FRAS1: variants seen among roughly 807,000 people sequenced by gnomAD.
The protein encoded by FRAS1 is extracellular matrix organizing protein FRAS1.
FRAS1 carries 290 observed loss-of-function variants against 435.2 expected under a neutral mutation model. The observed-to-expected ratio is 0.67, with a 90% confidence interval of 0.61 to 0.73. FRAS1 has a LOEUF of 0.73. Among genes scored for constraint, FRAS1 ranks in the 30% least tolerant of loss-of-function variants. The probability of loss-of-function intolerance (pLI) is 0.00; values close to 1 mark genes in which losing one functional copy is unlikely to be tolerated. For missense variants in FRAS1, 4,860 were observed against 5,001.5 expected, an observed-to-expected ratio of 0.97 and a Z score of 0.85; for synonymous variants, 1,800 against 1,851.0, an observed-to-expected ratio of 0.97 and a Z score of 0.71.
chr4:78,362,243 C>T (rs1466168149), intron 20 of FRAS1, among the ~76,000 whole-genome samples: 1 of 152,218 alleles, frequency 6.6e-6, no homozygotes, highest in African/African-American at 2.4e-5. Context: ...CAATTATTTA[C>T]TAACCTCAGT....
intron 60 of FRAS1, among the ~76,000 whole-genome samples, chr4:78,497,611 C>T (rs1720545057): frequency 6.6e-6 from 1 of 152,126 alleles, no homozygotes; most frequent in Non-Finnish European, 1.5e-5. Context: ...TTATTTAATA[C>T]TGGAAGGAAT....
intron 14 of FRAS1, among the ~76,000 whole-genome samples, chr4:78,307,357 G>A (rs1728797757): frequency 6.6e-6 from 1 of 151,148 alleles, no homozygotes; most frequent in South Asian, 2.1e-4. Context: ...GCCTATAGAG[G>A]CAGGCAGGCC....
intron 32 of FRAS1, among the ~76,000 whole-genome samples, 200 bp downstream of exon 32, chr4:78,413,285 G>A (rs896827932): frequency 6.6e-6 from 1 of 152,312 alleles, no homozygotes; most frequent in East Asian, 1.9e-4. Context: ...GGAAGGTTAT[G>A]CGGAATCCGT....
intron 21 of FRAS1, 46 bp downstream of exon 21, chr4:78,363,711 C>A: frequency 1.3e-6 from 2 of 1,546,370 alleles, no homozygotes; most frequent in Non-Finnish European, 1.8e-6. Flanking sequence ...ACCTGAGGTT[C>A]TCTTGGGGCA....
chr4:78,126,092 CA>C (rs1719337416), intron 2 of FRAS1, among the ~76,000 whole-genome samples: 1 of 152,204 alleles, frequency 6.6e-6, no homozygotes, highest in South Asian at 2.1e-4. Context: ...ACTGCCTACT[CA>C]AGCTTCAGCA....
chr4:78,253,185 C>A (rs943204652), intron 5 of FRAS1, among the ~76,000 whole-genome samples: 29 of 152,178 alleles, frequency 1.9e-4, no homozygotes, highest in African/African-American at 6.8e-4. Flanking sequence ...CTTACTTGCA[C>A]GTCCATTTAT....
chr4:78,359,239 G>A (rs1265619621), intron 20 of FRAS1, among the ~76,000 whole-genome samples: 1 of 151,958 alleles, frequency 6.6e-6, no homozygotes, highest in Non-Finnish European at 1.5e-5. Context: ...TCGGCTACTC[G>A]TAGCCTGTCT....
At position 78,169,503 on chromosome 4, in the gene FRAS1, G is replaced by T. The variant is rs376413140; in HGVS notation, c.109-68007G>T. ...GAGACAGTAACGTGCACCTCACAGG[G>T]TTGTGGCAAGGATTAAATAAGGTAT... is the stretch of plus-strand genomic sequence containing the variant. On this transcript the variant is annotated intron_variant, in intron 2 of 73. Transcript: ENST00000512123. 6.0e-4 allele frequency among the ~76,000 whole-genome samples: 92 copies of T among 152,152 alleles called. 1 individual carries two copies. The South Asian group carries it at 0.018, about 30-fold the overall frequency.
intron 70 of FRAS1, among the ~76,000 whole-genome samples, chr4:78,533,069 A>C (rs924378636): frequency 6.6e-6 from 1 of 152,250 alleles, no homozygotes; most frequent in Non-Finnish European, 1.5e-5. Flanking sequence ...ACTGTTTTAC[A>C]TAATGGCTGC....
intron 2 of FRAS1, among the ~76,000 whole-genome samples, chr4:78,179,827 G>A (rs1179689281): frequency 1.3e-5 from 2 of 152,164 alleles, no homozygotes; most frequent in South Asian, 4.2e-4. Context: ...AGCTACCCAG[G>A]GAAATGCAGG....
chr4:78,468,380 T>G (rs1317119919), intron 50 of FRAS1, among the ~76,000 whole-genome samples: 4 of 152,164 alleles, frequency 2.6e-5, no homozygotes, highest in African/African-American at 9.7e-5. Context: ...CAAGCCTCGT[T>G]TTCCCTATCT....
At chr4:78,172,657 A>AT (rs1199354384) in intron 2 of FRAS1, among the ~76,000 whole-genome samples, 4 of 152,070 alleles carry the variant, frequency 2.6e-5, no homozygotes, top group Non-Finnish European at 2.9e-5. Context: ...AAAAAGTAAG[A>AT]TTTTTTTAGT....
intron 14 of FRAS1, among the ~76,000 whole-genome samples, chr4:78,299,512 A>G (rs979156201): frequency 5.9e-5 from 9 of 152,122 alleles, no homozygotes; most frequent in African/African-American, 2.2e-4. Flanking sequence ...TTTAACAACC[A>G]GTATAACTGC....
In FRAS1 at chr4:78,539,395, G is replaced by A. The variant is rs1194825722; in HGVS notation, c.11400G>A (p.Met3800Ile). Residue 3800 changes from methionine (M) to isoleucine (I), a missense_variant, in exon 73 of 74, where the codon ATG (methionine) becomes ATA (isoleucine). Transcript: ENST00000512123. ...CTGATTTCCATGTGGTCAGTAACAT[G>A]CCAGGTGTGGATGGATTTACTCTAA... Reference protein sequence around the residue: ...ELPDFHVVSNMPGVDGFTLKV... With the variant: ...ELPDFHVVSNIPGVDGFTLKV... 1.7e-5 allele frequency: 27 copies of A among 1,611,692 alleles called. No homozygotes were observed. Among genetic ancestry groups the A allele is most frequent in the Non-Finnish European group, 2.2e-5 (26 of 1,178,990 alleles).
chr4:78,154,661 T>C (rs1720807452), intron 2 of FRAS1, among the ~76,000 whole-genome samples: 1 of 152,200 alleles, frequency 6.6e-6, no homozygotes, highest in African/African-American at 2.4e-5. Flanking sequence ...TTAAAATCAT[T>C]CTTATTGTGA....
chr4:78,103,572 A>G (rs1398905218), intron 2 of FRAS1, among the ~76,000 whole-genome samples: 2 of 152,132 alleles, frequency 1.3e-5, no homozygotes, highest in Non-Finnish European at 2.9e-5. Context: ...AGATGTTGAA[A>G]TCCTAACTCC....
At chr4:78,086,871 T>G (rs1741208591) in intron 2 of FRAS1, among the ~76,000 whole-genome samples, 1 of 152,194 alleles carries the variant, frequency 6.6e-6, no homozygotes, top group African/African-American at 2.4e-5. Flanking sequence ...CCATTCCTTC[T>G]GAAACTATTC....
chr4:78,445,844 A>AATAT, intron 42 of FRAS1, 132 bp downstream of exon 42: 1 of 1,413,312 alleles, frequency 7.1e-7, no homozygotes, highest in Non-Finnish European at 9.2e-7. Context: ...TCGTTCTTAA[A>AATAT]ATATAGCCTT....
intron 54 of FRAS1, among the ~76,000 whole-genome samples, chr4:78,477,148 G>A (rs1016203314): frequency 2.6e-5 from 4 of 152,046 alleles, no homozygotes; most frequent in Non-Finnish European, 5.9e-5. Flanking sequence ...AGTCTACCTT[G>A]TTTATAATGT....
Sources: allele counts gnomAD v4.1 joint callset (sites outside exome capture counted in the v4.1 genomes callset), GRCh38; gene constraint gnomAD v4.1.1; transcripts MANE v1.5; gene names NCBI Gene and HGNC (gene_info 2026-07-23, HGNC 2026-07-21).